Variants in WWOX observed in about 807,000 individuals in gnomAD.
The protein encoded by WWOX is WW domain containing oxidoreductase, also known as WW domain-containing oxidoreductase.
A neutral mutation model predicts 46.2 loss-of-function variants in WWOX; 69 were observed. The observed-to-expected ratio is 1.49, with a 90% CI of 1.23 to 1.82. The LOEUF (loss-of-function observed/expected upper bound fraction) is 1.82, where lower values mean the gene tolerates loss of function less well. Among genes scored for constraint, WWOX ranks in the 40% most tolerant of loss-of-function variants. The pLI is 0.00. For synonymous variants in WWOX, 359 were observed against 202.6 expected (o/e 1.77, Z -6.56); for missense variants, 919 against 542.6 (o/e 1.69, Z -6.89).
At chr16:79,092,228 T>C (rs1320058293) in intron 8 of WWOX, among the ~76,000 whole-genome samples, 1 of 152,202 alleles carries the variant, frequency 6.6e-6, no homozygotes, top group Non-Finnish European at 1.5e-5. Context: ...TAGGATTCAT[T>C]ACATGTGTGT....
chr16:78,278,783 A>G, intron 5 of WWOX: 2 of 858,814 alleles, frequency 2.3e-6, no homozygotes, highest in Middle Eastern at 3.1e-4. Context: ...ACGATTTGCA[A>G]CAACATCTAT....
At chr16:78,829,347 A>G (rs562043101) in intron 8 of WWOX, among the ~76,000 whole-genome samples, 3 of 152,276 alleles carry the variant, frequency 2.0e-5, no homozygotes, top group African/African-American at 7.2e-5. Flanking sequence ...AAAGAGAGAA[A>G]ATTATTTCTT....
At chr16:78,388,815 C>T (rs1029529094) in intron 6 of WWOX, among the ~76,000 whole-genome samples, 20 of 151,022 alleles carry the variant, frequency 1.3e-4, no homozygotes, top group African/African-American at 4.9e-4. Context: ...ACTAAAAATG[C>T]AAAATTAACT....
intron 8 of WWOX, among the ~76,000 whole-genome samples, chr16:78,932,236 G>T (rs779319793): frequency 6.6e-6 from 1 of 152,142 alleles, no homozygotes; most frequent in East Asian, 1.9e-4. Context: ...ATAAAGTATT[G>T]TATCCAATTC....
chr16:78,955,882 G>A (rs968411990), intron 8 of WWOX, among the ~76,000 whole-genome samples: 3 of 151,186 alleles, frequency 2.0e-5, no homozygotes, highest in East Asian at 1.9e-4. Context: ...GGCCTCAAGC[G>A]ATCTCCCATC....
At chr16:79,093,245 G>C (rs1302845524) in intron 8 of WWOX, among the ~76,000 whole-genome samples, 2 of 152,194 alleles carry the variant, frequency 1.3e-5, no homozygotes, top group East Asian at 3.9e-4. Context: ...TGGGGAGAGA[G>C]GCAGATTTTG....
At chr16:78,435,415 G>C (rs1341050579) in intron 8 of WWOX, among the ~76,000 whole-genome samples, 3 of 152,220 alleles carry the variant, frequency 2.0e-5, no homozygotes, top group Non-Finnish European at 2.9e-5. Context: ...AATGCCTATA[G>C]CAAGGCAAGG....
At chr16:78,319,253 A>G (rs1250567985) in intron 5 of WWOX, among the ~76,000 whole-genome samples, 2 of 152,032 alleles carry the variant, frequency 1.3e-5, no homozygotes, top group Admixed American at 6.6e-5. Context: ...TAGAGCTACC[A>G]GAAGGGAACA....
chr16:78,557,855 C>G (rs1490534937), intron 8 of WWOX, among the ~76,000 whole-genome samples: 3 of 151,842 alleles, frequency 2.0e-5, no homozygotes, highest in Admixed American at 6.6e-5. Flanking sequence ...ACCACCATAC[C>G]CAGCTAATTT....
At chr16:78,903,706 T>C (rs745712605) in intron 8 of WWOX, among the ~76,000 whole-genome samples, 1 of 152,188 alleles carries the variant, frequency 6.6e-6, no homozygotes, top group Non-Finnish European at 1.5e-5. Flanking sequence ...GACACTTCGC[T>C]CTAGGCACGT....
At chr16:78,114,747 A>T (rs1166107887) in intron 3 of WWOX, among the ~76,000 whole-genome samples, 2 of 149,878 alleles carry the variant, frequency 1.3e-5, no homozygotes, top group Non-Finnish European at 2.9e-5. Context: ...GTTACAGCGT[A>T]TGTTATAGGC....
At chr16:78,763,318 C>T (rs1410590647) in intron 8 of WWOX, among the ~76,000 whole-genome samples, 1 of 152,216 alleles carries the variant, frequency 6.6e-6, no homozygotes, top group African/African-American at 2.4e-5. Context: ...TCCAATTTCC[C>T]ATGTGATTTC....
intron 6 of WWOX, among the ~76,000 whole-genome samples, chr16:78,406,950 C>T (rs2082563959): frequency 6.6e-6 from 1 of 152,098 alleles, no homozygotes; most frequent in African/African-American, 2.4e-5. Flanking sequence ...TTTATAAACT[C>T]CTTGGATGCT....
intron 8 of WWOX, chr16:79,077,361 C>G (rs189361117): frequency 1.3e-4 from 20 of 152,076 alleles, no homozygotes; most frequent in African/African-American, 4.8e-4. Flanking sequence ...GGAAAATTGC[C>G]GTGGCCGGTC....
chr16:78,214,735 C>T (rs2036662871), intron 5 of WWOX, among the ~76,000 whole-genome samples: 1 of 151,942 alleles, frequency 6.6e-6, no homozygotes, highest in Non-Finnish European at 1.5e-5. Flanking sequence ...CCTCAGTTGG[C>T]TTCATACTTT....
intron 8 of WWOX, among the ~76,000 whole-genome samples, chr16:78,620,011 A>G (rs1233429056): frequency 6.6e-6 from 1 of 152,190 alleles, no homozygotes; most frequent in Non-Finnish European, 1.5e-5. Flanking sequence ...AGTGAAAGAG[A>G]AAATGAGACT....
At position 78,350,912 on chromosome 16, in the gene WWOX, C is replaced by G. The variant is rs987181065; in HGVS notation, c.517-35948C>G. The stretch of plus-strand genomic sequence containing the variant: ...GCAGCCACACCCATCTACATTCTAA[C>G]CAGCAGTGTAGGAAGGTTCCGATTT... On this transcript the variant is annotated intron_variant, in intron 5 of 8. Coordinates refer to ENST00000566780, the MANE Select transcript of WWOX (RefSeq NM_016373.4). Among the ~76,000 whole-genome samples, 4 of 62,604 alleles carry G rather than the reference C, an allele frequency of 6.4e-5. 1 individual carries two copies. The highest frequency in any genetic ancestry group is 1.9e-4 in the Non-Finnish European group (4 of 20,942). 41.1% of individuals were successfully genotyped at this position (62,604 alleles called of 152,430 possible). A position where few individuals can be genotyped will look rare whatever the true frequency, so the allele number is the denominator to read the frequency against.
At chr16:78,862,485 C>T in intron 8 of WWOX, among the ~76,000 whole-genome samples, 1 of 151,800 alleles carries the variant, frequency 6.6e-6, no homozygotes, top group Middle Eastern at 3.4e-3. Context: ...CAAGTGCATA[C>T]ACACACACAT....
chr16:79,191,770 G>A (rs564132618), intron 8 of WWOX, among the ~76,000 whole-genome samples: 4 of 152,310 alleles, frequency 2.6e-5, no homozygotes, highest in South Asian at 4.1e-4. Context: ...AGGGAGATGT[G>A]ACTGGAAAAT....
Sources: allele counts gnomAD v4.1 joint callset (sites outside exome capture counted in the v4.1 genomes callset), GRCh38; gene constraint gnomAD v4.1.1; transcripts MANE v1.5; gene names NCBI Gene and HGNC (gene_info 2026-07-23, HGNC 2026-07-21).